The following NAALADL2 variants were observed in gnomAD, a reference collection of about 807,000 sequenced individuals.
NAALADL2 encodes N-acetylated alpha-linked acidic dipeptidase like 2, also known as inactive N-acetylated-alpha-linked acidic dipeptidase-like protein 2.
A neutral mutation model predicts 87.2 loss-of-function variants in NAALADL2; 76 were observed. That is an observed-to-expected ratio of 0.87 (90% CI 0.72 to 1.05). NAALADL2 has a LOEUF of 1.05. NAALADL2 is among the 50% of genes least tolerant of loss of function. NAALADL2 has a pLI of 0.00. For missense variants in NAALADL2, 1,089 were observed against 945.8 expected (o/e 1.15, Z -1.99); for synonymous variants, 354 against 331.0 (o/e 1.07, Z -0.75).
At position 174,944,978 on chromosome 3, in the gene NAALADL2, G is replaced by A. The variant is rs900434724; in HGVS notation, c.43+85528G>A. On this transcript the variant is annotated intron_variant, in intron 1 of 13. Transcript: ENST00000454872. ...ACTGGATGTTTCAGTTGAAGGTGCC[G>A]TATTTACTTGCCCCTTCAGTTCTTC... 6.2e-4 allele frequency among the ~76,000 whole-genome samples: 95 copies of A among 152,076 alleles called. 1 individual carries two copies. Among genetic ancestry groups the A allele is most frequent in the South Asian group, 2.1e-4 (1 of 4,828 alleles).
intron 1 of NAALADL2, among the ~76,000 whole-genome samples, chr3:174,513,154 G>T (rs1719716841): frequency 6.6e-6 from 1 of 151,904 alleles, no homozygotes; most frequent in Non-Finnish European, 1.5e-5. Flanking sequence ...TAGAGACAGG[G>T]TTCCTCCATG....
At chr3:174,808,566 A>G (rs948566401) in intron 3 of NAALADL2, among the ~76,000 whole-genome samples, 1 of 152,190 alleles carries the variant, frequency 6.6e-6, no homozygotes, top group Non-Finnish European at 1.5e-5. Context: ...CTATTTTTAA[A>G]TAAGTATAAT....
At chr3:175,427,727 C>CT in intron 5 of NAALADL2, among the ~76,000 whole-genome samples, 1 of 152,174 alleles carries the variant, frequency 6.6e-6, no homozygotes, top group East Asian at 1.9e-4. Context: ...CTTCATTGGC[C>CT]TTTTCCAATA....
intron 6 of NAALADL2, among the ~76,000 whole-genome samples, chr3:175,454,463 T>C (rs1327234140): frequency 6.6e-6 from 1 of 152,076 alleles, no homozygotes; most frequent in African/African-American, 2.4e-5. Context: ...GTTCCTACTT[T>C]ATAGAGGAAG....
At chr3:174,817,102 G>A (rs1720894943) in intron 3 of NAALADL2, among the ~76,000 whole-genome samples, 2 of 152,166 alleles carry the variant, frequency 1.3e-5, no homozygotes, top group East Asian at 1.9e-4. Flanking sequence ...AAGTGTGTGA[G>A]TGTTTGGATA....
chr3:175,215,204 CT>C (rs1168521609), intron 2 of NAALADL2, among the ~76,000 whole-genome samples: 1 of 152,150 alleles, frequency 6.6e-6, no homozygotes, highest in African/African-American at 2.4e-5. Flanking sequence ...TCTGATGCTA[CT>C]GTTTTTCAGG....
chr3:174,987,332 G>A (rs1298165907), intron 1 of NAALADL2, among the ~76,000 whole-genome samples: 1 of 151,766 alleles, frequency 6.6e-6, no homozygotes, highest in Non-Finnish European at 1.5e-5. Context: ...CACTTTGGGA[G>A]GCCGAGGCGG....
chr3:175,320,675 C>T (rs1759738478), intron 4 of NAALADL2, among the ~76,000 whole-genome samples: 1 of 152,092 alleles, frequency 6.6e-6, no homozygotes, highest in Non-Finnish European at 1.5e-5. Context: ...ACATAATGGT[C>T]ACAACAACTC....
chr3:175,159,200 T>A (rs946155816), intron 2 of NAALADL2, among the ~76,000 whole-genome samples: 15 of 152,124 alleles, frequency 9.9e-5, no homozygotes, highest in African/African-American at 3.4e-4. Context: ...TAGCTACAAG[T>A]GCAATGAAAA....
chr3:174,872,733 T>TACACACACACACACAC (rs140990241), intron 1 of NAALADL2, among the ~76,000 whole-genome samples: 1 of 148,434 alleles, frequency 6.7e-6, no homozygotes, highest in Non-Finnish European at 1.5e-5. Flanking sequence ...CACACACACA[T>TACACACACACACACAC]ACACACACAC....
chr3:174,579,182 C>T (rs1207785408), intron 2 of NAALADL2, among the ~76,000 whole-genome samples: 1 of 152,036 alleles, frequency 6.6e-6, no homozygotes, highest in East Asian at 1.9e-4. Context: ...AACAAACACC[C>T]ACCCAATGGC....
intron 1 of NAALADL2, among the ~76,000 whole-genome samples, chr3:174,890,330 A>G (rs2109786247): frequency 6.6e-6 from 1 of 152,292 alleles, no homozygotes; most frequent in Admixed American, 6.5e-5. Context: ...ATATACAGAG[A>G]ACAGTTCTCT....
At chr3:174,898,091 T>TG (rs1419337044) in intron 1 of NAALADL2, among the ~76,000 whole-genome samples, 1 of 97,420 alleles carries the variant, frequency 1.0e-5, no homozygotes, top group Non-Finnish European at 1.8e-5. Flanking sequence ...CCAGCCTGGG[T>TG]GACAGAGCGA....
chr3:175,759,503 G>A (rs1439827709), intron 13 of NAALADL2, among the ~76,000 whole-genome samples: 14 of 151,920 alleles, frequency 9.2e-5, no homozygotes, highest in Admixed American at 3.3e-4. Flanking sequence ...GATTACAGGC[G>A]CATGCCACCA....
intron 1 of NAALADL2, among the ~76,000 whole-genome samples, chr3:174,874,693 T>C (rs968857884): frequency 6.6e-6 from 1 of 152,164 alleles, no homozygotes; most frequent in African/African-American, 2.4e-5. Flanking sequence ...ATTCAAGGTA[T>C]ATTTTTTTTG....
chr3:174,797,298 CT>C (rs765233495), intron 3 of NAALADL2, among the ~76,000 whole-genome samples: 2 of 97,728 alleles, frequency 2.0e-5, no homozygotes, highest in African/African-American at 9.5e-5. Flanking sequence ...TTTTGTTTTT[CT>C]TTTTTCTTTT....
intron 1 of NAALADL2, among the ~76,000 whole-genome samples, chr3:174,494,684 G>C (rs1718408938): frequency 6.6e-6 from 1 of 151,902 alleles, no homozygotes; most frequent in East Asian, 1.9e-4. Context: ...CTTATAGCAA[G>C]GTAATAGCCA....
intron 4 of NAALADL2, among the ~76,000 whole-genome samples, chr3:175,276,921 G>GCTAA: frequency 1.3e-5 from 2 of 152,100 alleles, no homozygotes; most frequent in East Asian, 3.9e-4. Flanking sequence ...ACAAAAATAT[G>GCTAA]CTAACTATTA....
At chr3:174,512,687 A>C (rs1410932646) in intron 1 of NAALADL2, among the ~76,000 whole-genome samples, 1 of 151,880 alleles carries the variant, frequency 6.6e-6, no homozygotes, top group Non-Finnish European at 1.5e-5. Flanking sequence ...CTGTCTCCTC[A>C]ACTCAGTGAG....
Sources: gnomAD v4.1 joint callset for allele counts (sites outside exome capture counted in the v4.1 genomes callset) on GRCh38, gnomAD v4.1.1 for gene constraint, MANE v1.5 for transcripts, NCBI Gene and HGNC (gene_info 2026-07-23, HGNC 2026-07-21) for gene names.